Variants in USP8 observed in about 807,000 individuals in gnomAD.
USP8 encodes ubiquitin specific peptidase 8.
Under a neutral mutation model 130.0 loss-of-function variants are expected in USP8, and 27 were observed. That is an observed-to-expected ratio of 0.21 (90% CI 0.15 to 0.29). The LOEUF is 0.29. Among genes scored for constraint, USP8 ranks in the 10% least tolerant of loss-of-function variants. USP8 has a pLI of 1.00. For missense variants in USP8, 1,029 were observed against 1,312.2 expected (o/e 0.78, Z 3.33); for synonymous variants, 392 against 444.1 (o/e 0.88, Z 1.48).
Position 50,508,530 on chromosome 15 carries a change from C to A in USP8, c.*9442C>A, listed in dbSNP as rs772155219. 68 of 152,130 alleles carry A rather than the reference C, an allele frequency of 4.5e-4. No individual in the cohort carries two copies. Among genetic ancestry groups the A allele is most frequent in the Non-Finnish European group, 8.4e-4 (57 of 68,028 alleles). 9.4% of individuals were successfully genotyped at this position (152,130 alleles called of 1,614,324 possible). A position where few individuals can be genotyped will look rare whatever the true frequency, so the allele number is the denominator to read the frequency against. ...AAATACTTATATCTTAAAGGATAGA[C>A]TGAGTGTTAATACACTGGACACTCA... On this transcript the variant is annotated 3_prime_UTR_variant, in exon 20 of 20. Coordinates refer to ENST00000307179, the MANE Select transcript of USP8 (RefSeq NM_005154.5).
chr15:50,488,185 A>T (rs929104393), intron 12 of USP8, among the ~76,000 whole-genome samples: 2 of 152,144 alleles, frequency 1.3e-5, no homozygotes, highest in Non-Finnish European at 2.9e-5. Context: ...ATTTTTTCTG[A>T]CCCAAAGTCC....
Position 50,490,349 on chromosome 15 carries a change from A to G in USP8, c.2058A>G (p.Ser686=), listed in dbSNP as rs1299373355. 6.2e-7 allele frequency: 1 copy of G among 1,613,500 alleles called. No individual in the cohort carries two copies. Among genetic ancestry groups the G allele is most frequent in the African/African-American group, 1.3e-5 (1 of 74,700 alleles). Residue 686 remains serine (S), a synonymous_variant, in exon 14 of 20, where the codon TCA becomes TCG. Coordinates refer to ENST00000307179, the MANE Select transcript of USP8 (RefSeq NM_005154.5). ...VHMYPPEMAP[S]SAPPSTPPTH... ...TGTACCCACCGGAAATGGCTCCTTC[A>G]TCTGCACCTCCTTCCACCCCTCCAA...
rs2052675429 is a variant in USP8 at position 50,507,226 on chromosome 15, TG to T, written c.*8139del. ...TGAACCTGGGAGGTGGAGGTTGCAG[TG>T]AGCCAAGATCATGCCACTGCACTCC... On this transcript the variant is annotated 3_prime_UTR_variant, in exon 20 of 20. Coordinates refer to ENST00000307179, the MANE Select transcript of USP8 (RefSeq NM_005154.5). 2 of 152,626 alleles carry T rather than the reference TG, an allele frequency of 1.3e-5. No individual in the cohort carries two copies. The highest frequency in any genetic ancestry group is 3.8e-4 in the East Asian group (2 of 5,202). 9.5% of individuals were successfully genotyped at this position (152,626 alleles called of 1,614,324 possible). A position where few individuals can be genotyped will look rare whatever the true frequency, so the allele number is the denominator to read the frequency against.
At chr15:50,438,434 A>G (rs2050151548) in intron 1 of USP8, among the ~76,000 whole-genome samples, 1 of 152,178 alleles carries the variant, frequency 6.6e-6, no homozygotes, top group Non-Finnish European at 1.5e-5. Context: ...AAACACAAAA[A>G]CTAGCTGGGG....
chr15:50,500,737 AT>A lies in USP8; in HGVS notation c.*1650del. The A allele has an allele frequency of 6.4e-7, 1 of 1,562,244 alleles. No homozygotes were observed. The highest frequency in any genetic ancestry group is 1.4e-5 in the African/African-American group (1 of 74,036). On this transcript the variant is annotated 3_prime_UTR_variant, in exon 20 of 20. Coordinates refer to ENST00000307179, the MANE Select transcript of USP8 (RefSeq NM_005154.5). ...AGCATTTTGAACAGAAGTATCTGGA[AT>A]CTCACTGACTCGTGTGTTATCAAAG... is the stretch of plus-strand genomic sequence containing the variant.
At chr15:50,429,597 A>G (rs2049864053) in intron 1 of USP8, among the ~76,000 whole-genome samples, 1 of 152,132 alleles carries the variant, frequency 6.6e-6, no homozygotes, top group Non-Finnish European at 1.5e-5. Flanking sequence ...GCACTTTGGG[A>G]GACCTAGGCA....
chr15:50,430,875 C>T (rs1395570148), intron 1 of USP8, among the ~76,000 whole-genome samples: 1 of 152,138 alleles, frequency 6.6e-6, no homozygotes, highest in Non-Finnish European at 1.5e-5. Flanking sequence ...GTAATTTTGC[C>T]TTCCAGGACA....
chr15:50,449,886 A>AATTCT (rs2050565304), intron 4 of USP8, among the ~76,000 whole-genome samples: 2 of 79,920 alleles, frequency 2.5e-5, no homozygotes, highest in Non-Finnish European at 4.9e-5. Flanking sequence ...TGGCCCCAAT[A>AATTCT]TTTCTTTTTT....
At position 50,501,961 on chromosome 15, in the gene USP8, G is replaced by A. The variant is rs2141338988; in HGVS notation, c.*2873G>A. ...CATGCTCATTTGTTTACACTTTTCA[G>A]TGGCTGCTTTAATGATACAACAGTA... On this transcript the variant is annotated 3_prime_UTR_variant, in exon 20 of 20. Transcript: ENST00000307179. The A allele has an allele frequency of 6.6e-6, 1 of 152,286 alleles. No homozygotes were observed. Among genetic ancestry groups the A allele is most frequent in the Non-Finnish European group, 1.5e-5 (1 of 68,030 alleles). The allele number at this position is 152,286 out of a possible 1,614,324, so 9.4% of individuals were successfully genotyped here.
chr15:50,458,870 G>C, intron 4 of USP8, 130 bp from the exon 5 acceptor site: 2 of 1,061,010 alleles, frequency 1.9e-6, no homozygotes, highest in South Asian at 3.1e-5. Context: ...TGTGTGAATT[G>C]TGGTGGAGGG....
At chr15:50,436,909 A>G (rs2141251325) in intron 1 of USP8, among the ~76,000 whole-genome samples, 1 of 152,160 alleles carries the variant, frequency 6.6e-6, no homozygotes, top group Non-Finnish European at 1.5e-5. Flanking sequence ...ACCTCAAGTG[A>G]TCTGTCCACT....
intron 1 of USP8, among the ~76,000 whole-genome samples, chr15:50,426,716 C>T (rs1441251521): frequency 6.6e-6 from 1 of 152,130 alleles, no homozygotes; most frequent in African/African-American, 2.4e-5. Flanking sequence ...TAGAAGCTGC[C>T]AGTCTCCCAA....
intron 3 of USP8, among the ~76,000 whole-genome samples, chr15:50,445,547 A>AAAAAAAAAAAAAAAAAAC (rs2050403118): frequency 1.0e-5 from 1 of 99,870 alleles, no homozygotes; most frequent in African/African-American, 4.2e-5. Context: ...GTCTGTCTCA[A>AAAAAAAAAAAAAAAAAAC]AAAAAAAAAA....
At chr15:50,442,235 A>C (rs2050285240) in intron 3 of USP8, among the ~76,000 whole-genome samples, 2 of 152,056 alleles carry the variant, frequency 1.3e-5, no homozygotes, top group African/African-American at 4.8e-5. Flanking sequence ...CGGCCTCCCA[A>C]AGTGCTGGGA....
At position 50,494,073 on chromosome 15, in the gene USP8, A is replaced by G; in HGVS notation, c.2451A>G (p.Ser817=). 6.2e-7 allele frequency: 1 copy of G among 1,604,560 alleles called. No individual in the cohort carries two copies. The change falls in exon 16 of 20, where the codon TCA becomes TCG. Residue 817 remains serine (S), a synonymous_variant. Transcript: ENST00000307179. ...RNCYQDDINR[S]NLLGHKGEVA... is the part of the protein sequence containing the mutation. ...GTAACAACTTTTATTTGCACAGGTCAAATTTGTTGGGGCATAAAGGTGAAG... is the reference window on the plus strand; with the variant it reads ...GTAACAACTTTTATTTGCACAGGTCGAATTTGTTGGGGCATAAAGGTGAAG...
rs1409709595 is a variant in USP8, at chr15:50,500,724, A to G, written c.*1636A>G. Reference sequence around the variant, plus strand: ...ACAGGAGATCCATAGCATTTTGAACAGAAGTATCTGGAATCTCACTGACTC... The same window carrying G: ...ACAGGAGATCCATAGCATTTTGAACGGAAGTATCTGGAATCTCACTGACTC... On this transcript the variant is annotated 3_prime_UTR_variant, in exon 20 of 20. Transcript: ENST00000307179. 1.3e-6 allele frequency: 2 copies of G among 1,533,928 alleles called. No homozygotes were observed. The highest frequency in any genetic ancestry group is 1.8e-6 in the Non-Finnish European group (2 of 1,127,590).
rs2059515645 is a variant in USP8, at chr15:50,514,197, A to G, written c.*15109A>G. 3 of 152,246 alleles carry G rather than the reference A, an allele frequency of 2.0e-5. No individual in the cohort carries two copies. The highest frequency in any genetic ancestry group is 2.0e-4 in the Admixed American group (3 of 15,282). 9.4% of individuals were successfully genotyped at this position (152,246 alleles called of 1,614,324 possible). On this transcript the variant is annotated 3_prime_UTR_variant, in exon 20 of 20. Transcript: ENST00000307179. Reference sequence around the variant, plus strand: ...CTGTACAATTCCATTTATACGAAGCATAAAATCAGGCAAAAATCTATAAAT... The same window carrying G: ...CTGTACAATTCCATTTATACGAAGCGTAAAATCAGGCAAAAATCTATAAAT...
intron 13 of USP8, 74 bp downstream of exon 13, chr15:50,489,955 C>G (rs966702953): frequency 7.3e-6 from 9 of 1,227,300 alleles, no homozygotes; most frequent in Non-Finnish European, 1.0e-5. Flanking sequence ...TTTACATCTT[C>G]TGTAATGCAG....
intron 8 of USP8, among the ~76,000 whole-genome samples, chr15:50,473,820 A>ATTT (rs200239115): frequency 6.7e-6 from 1 of 149,226 alleles, no homozygotes; most frequent in Non-Finnish European, 1.5e-5. Context: ...ATATATATAT[A>ATTT]TTTTTTTAAT....
Sources: gnomAD v4.1 joint callset for allele counts (sites outside exome capture counted in the v4.1 genomes callset) on GRCh38, gnomAD v4.1.1 for gene constraint, MANE v1.5 for transcripts, NCBI Gene and HGNC (gene_info 2026-07-23, HGNC 2026-07-21) for gene names.